The following DOCK3 variants were observed in gnomAD, a reference collection of about 807,000 sequenced individuals.
DOCK3 encodes the protein dedicator of cytokinesis 3.
Under a neutral mutation model 265.6 loss-of-function variants are expected in DOCK3, and 60 were observed. The observed-to-expected ratio is 0.23, with a 90% confidence interval of 0.18 to 0.28. The LOEUF (loss-of-function observed/expected upper bound fraction) is 0.28, where lower values mean the gene tolerates loss of function less well. Ranked by LOEUF, DOCK3 falls within the 10% of genes least tolerant of loss-of-function variation. The pLI, the probability that DOCK3 is intolerant of heterozygous loss-of-function variation, is 1.00. For missense variants in DOCK3, 1,981 were observed against 2,594.3 expected (o/e 0.76, Z 5.14); for synonymous variants, 881 against 938.0 (o/e 0.94, Z 1.11).
chr3:50,692,992 C>T (rs963395808), intron 1 of DOCK3, among the ~76,000 whole-genome samples: 2 of 152,164 alleles, frequency 1.3e-5, no homozygotes, highest in Admixed American at 6.5e-5. Context: ...CTGTCCTTTT[C>T]TCATTAAATG....
chr3:51,214,074 A>G (rs767963412), intron 13 of DOCK3, 48 bp from the exon 14 acceptor site: 26 of 1,611,474 alleles, frequency 1.6e-5, no homozygotes, highest in Middle Eastern at 1.7e-4. Flanking sequence ...CAAGTACTAT[A>G]TAACAGGGTA....
At chr3:50,853,457 C>T (rs1334736369) in intron 3 of DOCK3, among the ~76,000 whole-genome samples, 1 of 152,076 alleles carries the variant, frequency 6.6e-6, no homozygotes, top group Non-Finnish European at 1.5e-5. Flanking sequence ...ATTTTTGCCT[C>T]TCTCCCTCCT....
chr3:51,225,247 TC>T (rs1217038086), intron 14 of DOCK3, among the ~76,000 whole-genome samples: 1 of 152,128 alleles, frequency 6.6e-6, no homozygotes, highest in East Asian at 1.9e-4. Flanking sequence ...GAGAAACCCT[TC>T]TTGAGGGAAA....
intron 9 of DOCK3, among the ~76,000 whole-genome samples, chr3:51,103,318 A>G (rs967645930): frequency 1.3e-5 from 2 of 152,310 alleles, no homozygotes; most frequent in East Asian, 1.9e-4. Flanking sequence ...TGACATGCTC[A>G]TGCACAAAAA....
At chr3:50,997,653 CT>C (rs1179685005) in intron 5 of DOCK3, among the ~76,000 whole-genome samples, 2 of 152,174 alleles carry the variant, frequency 1.3e-5, no homozygotes, top group Non-Finnish European at 2.9e-5. Flanking sequence ...CAAATTCCCC[CT>C]GACACCTGAG....
chr3:51,281,578 CT>C (rs932985651), intron 27 of DOCK3, among the ~76,000 whole-genome samples: 2 of 151,796 alleles, frequency 1.3e-5, no homozygotes, highest in African/African-American at 2.4e-5. Flanking sequence ...TGTCAGGTCA[CT>C]TTTTTTTCCT....
intron 9 of DOCK3, among the ~76,000 whole-genome samples, chr3:51,136,180 C>A (rs745349071): frequency 2.6e-5 from 4 of 152,038 alleles, no homozygotes; most frequent in Non-Finnish European, 4.4e-5. Flanking sequence ...TGTTCCAGTA[C>A]CTCCTTCAGG....
intron 5 of DOCK3, among the ~76,000 whole-genome samples, chr3:51,043,612 A>G (rs1393039924): frequency 6.6e-6 from 1 of 152,030 alleles, no homozygotes; most frequent in Non-Finnish European, 1.5e-5. Context: ...AAAGAGCTAC[A>G]CAGCAAAAGA....
chr3:50,877,661 T>TTTTCTTTTC (rs2047777418), intron 3 of DOCK3: 1 of 364,596 alleles, frequency 2.7e-6, no homozygotes, highest in African/African-American at 2.2e-5. Context: ...TTTTCTTTTC[T>TTTTCTTTTC]TTTCTTTTCT....
Position 51,081,199 on chromosome 3 carries a change from G to T in DOCK3, c.549+5759G>T, listed in dbSNP as rs190533898. On this transcript the variant is annotated intron_variant, in intron 7 of 52. Transcript: ENST00000266037. ...GGGTTAAATATATGTGTTTGGAAAA[G>T]AAATGGAAACTTCCACTGCCACAAC... is the stretch of plus-strand genomic sequence containing the variant. Among the ~76,000 whole-genome samples the T allele has an allele frequency of 2.7e-3, 408 of 152,174 alleles. 4 individuals are homozygous for T. The highest frequency in any genetic ancestry group is 9.3e-3 in the African/African-American group (386 of 41,514).
chr3:50,906,749 A>G lies in DOCK3; in HGVS notation c.218+16668A>G, dbSNP rs552934154. On this transcript the variant is annotated intron_variant, in intron 4 of 52. Transcript: ENST00000266037. ...TTTTGAAGGGTTTTTTTGTATCTCT[A>G]TCTCCTTCAGTTCTGCTCTGATCTT... is the stretch of plus-strand genomic sequence containing the variant. Among the ~76,000 whole-genome samples, 558 of 151,542 alleles carry G rather than the reference A, an allele frequency of 3.7e-3. 5 individuals are homozygous for G. The highest frequency in any genetic ancestry group is 3.6e-3 in the South Asian group (17 of 4,786).
At chr3:51,178,641 T>C (rs2087108653) in intron 12 of DOCK3, among the ~76,000 whole-genome samples, 1 of 152,178 alleles carries the variant, frequency 6.6e-6, no homozygotes, top group Admixed American at 6.5e-5. Flanking sequence ...TTTTTTTTCT[T>C]CACAGGGATA....
At chr3:50,811,573 T>C (rs1034400598) in intron 2 of DOCK3, among the ~76,000 whole-genome samples, 1 of 152,254 alleles carries the variant, frequency 6.6e-6, no homozygotes, top group Non-Finnish European at 1.5e-5. Context: ...GGCACAGATA[T>C]GTTTCCATTG....
At chr3:50,862,692 G>T (rs1335108866) in intron 3 of DOCK3, among the ~76,000 whole-genome samples, 1 of 152,146 alleles carries the variant, frequency 6.6e-6, no homozygotes, top group Non-Finnish European at 1.5e-5. Flanking sequence ...CCTTCTCATG[G>T]CTACCACCAA....
chr3:50,852,895 TA>T (rs1471230547), intron 3 of DOCK3, among the ~76,000 whole-genome samples: 5 of 152,174 alleles, frequency 3.3e-5, no homozygotes, highest in African/African-American at 1.2e-4. Context: ...TATTTCTTTT[TA>T]AAAAAATTGA....
At chr3:51,066,147 G>A (rs1479936253) in intron 6 of DOCK3, among the ~76,000 whole-genome samples, 2 of 152,058 alleles carry the variant, frequency 1.3e-5, no homozygotes, top group East Asian at 3.8e-4. Flanking sequence ...CATGAGGAAA[G>A]AAATTCAGTA....
intron 31 of DOCK3, 81 bp from the exon 32 acceptor site, chr3:51,314,899 A>G: frequency 2.1e-6 from 3 of 1,457,016 alleles, no homozygotes; most frequent in Non-Finnish European, 2.7e-6. Context: ...TATGGATTGT[A>G]GCATGTGTTG....
intron 22 of DOCK3, among the ~76,000 whole-genome samples, chr3:51,257,668 C>T (rs904757574): frequency 3.3e-5 from 5 of 152,136 alleles, no homozygotes; most frequent in Admixed American, 3.3e-4. Flanking sequence ...GTGATACAAA[C>T]ATGGTAATAA....
chr3:51,322,571 G>A (rs1468320909), intron 32 of DOCK3, among the ~76,000 whole-genome samples: 1 of 152,094 alleles, frequency 6.6e-6, no homozygotes, highest in Non-Finnish European at 1.5e-5. Flanking sequence ...AAGCGAAGGA[G>A]AAATAAAATC....
Sources: allele counts gnomAD v4.1 joint callset (sites outside exome capture counted in the v4.1 genomes callset), GRCh38; gene constraint gnomAD v4.1.1; transcripts MANE v1.5; gene names NCBI Gene and HGNC (gene_info 2026-07-23, HGNC 2026-07-21).